Variants in TCP11L2 observed in about 807,000 individuals in gnomAD.
The protein encoded by TCP11L2 is t-complex 11 like 2, also known as T-complex protein 11-like protein 2.
In TCP11L2, 39 loss-of-function variants were observed where a neutral mutation model predicts 50.7. The ratio of observed to expected loss-of-function variants is 0.77; its 90% confidence interval spans 0.60 to 1.01. The LOEUF (loss-of-function observed/expected upper bound fraction) is 1.01. TCP11L2 is among the 50% of genes least tolerant of loss of function. The pLI is 0.00. For synonymous variants in TCP11L2, 192 were observed against 219.3 expected (o/e 0.88, Z 1.10); for missense variants, 612 against 614.7 (o/e 1.00, Z 0.05).
chr12:106,342,923 G>A (rs2036131153), intron 9 of TCP11L2, among the ~76,000 whole-genome samples: 1 of 152,194 alleles, frequency 6.6e-6, no homozygotes. Flanking sequence ...GAGGGAAGCT[G>A]AGGGCTAGGA....
chr12:106,343,920 G>A (rs2036161346), intron 9 of TCP11L2, among the ~76,000 whole-genome samples: 1 of 151,534 alleles, frequency 6.6e-6, no homozygotes, highest in Non-Finnish European at 1.5e-5. Flanking sequence ...GCCTCCCAAA[G>A]TGCTGGGATT....
At chr12:106,314,584 A>G (rs764706302) in intron 3 of TCP11L2, 91 bp downstream of exon 3, 4 of 421,018 alleles carry the variant, frequency 9.5e-6, no homozygotes, top group Non-Finnish European at 1.5e-5. Flanking sequence ...TGTGAGAGAG[A>G]GAGAGAGAGA....
chr12:106,311,335 C>T (rs1000507574), intron 2 of TCP11L2, 103 bp downstream of exon 2: 4 of 1,319,504 alleles, frequency 3.0e-6, no homozygotes, highest in East Asian at 2.4e-5. Context: ...ACTTCCCCTC[C>T]TTTCTAGATG....
chr12:106,326,430 A>C (rs1175268069), intron 6 of TCP11L2, among the ~76,000 whole-genome samples: 1 of 152,190 alleles, frequency 6.6e-6, no homozygotes, highest in African/African-American at 2.4e-5. Context: ...AGAGGGAGGA[A>C]GCAGACAGCT....
In TCP11L2 at chr12:106,321,606, G is replaced by C. The variant is rs1384155607; in HGVS notation, c.535G>C (p.Ala179Pro). 1 of 1,614,064 alleles carries C rather than the reference G, an allele frequency of 6.2e-7. No individual in the cohort carries two copies. Among genetic ancestry groups the C allele is most frequent in the African/African-American group, 1.3e-5 (1 of 74,904 alleles). The stretch of plus-strand genomic sequence containing the variant: ...CAGTGCTGTTGACATCCAAGGCCTG[G>C]CCAACTATGTCATCAGTACGATGGG... Reference protein sequence around the residue: ...EHSAVDIQGLANYVISTMGKL... With the variant: ...EHSAVDIQGLPNYVISTMGKL... Residue 179 changes from alanine to proline, a missense_variant, in exon 5 of 10, where the codon GCC becomes CCC. Physicochemically the swap from Ala to Pro is conservative, Grantham distance 27. Coordinates refer to ENST00000299045, the MANE Select transcript of TCP11L2 (RefSeq NM_152772.3).
At chr12:106,325,906 A>AC (rs1245513838) in intron 6 of TCP11L2, 3 of 151,446 alleles carry the variant, frequency 2.0e-5, no homozygotes, top group Non-Finnish European at 2.9e-5. Context: ...AAAAAAAAAA[A>AC]AAAAAAACCC....
intron 6 of TCP11L2, chr12:106,329,383 A>T (rs1209250478): frequency 6.5e-7 from 1 of 1,536,112 alleles, no homozygotes; most frequent in African/African-American, 1.4e-5. Flanking sequence ...TTGGAACCAG[A>T]GAGAGCAGTC....
intron 5 of TCP11L2, among the ~76,000 whole-genome samples, chr12:106,322,653 A>G (rs2035381282): frequency 6.6e-6 from 1 of 152,150 alleles, no homozygotes; most frequent in African/African-American, 2.4e-5. Flanking sequence ...TTTTTTGTGT[A>G]TGGTGGCCAC....
rs943624233 is a variant in TCP11L2 at position 106,335,428 on chromosome 12, G to C, written c.773-211G>C. Among the ~76,000 whole-genome samples, 136 of 152,210 alleles carry C rather than the reference G, an allele frequency of 8.9e-4. 1 individual carries two copies. The highest frequency in any genetic ancestry group is 1.6e-3 in the Non-Finnish European group (106 of 68,020). Reference sequence around the variant, plus strand: ...TTCCTCTTAGATTCTTTCCTGGACAGCCTCTTTCCCACAATTACTAGCATT... The same window carrying C: ...TTCCTCTTAGATTCTTTCCTGGACACCCTCTTTCCCACAATTACTAGCATT... On this transcript the variant is annotated intron_variant, in intron 6 of 9. Coordinates refer to ENST00000299045, the MANE Select transcript of TCP11L2 (RefSeq NM_152772.3).
chr12:106,316,641 G>A (rs1028806955), intron 3 of TCP11L2, among the ~76,000 whole-genome samples: 18 of 152,060 alleles, frequency 1.2e-4, no homozygotes, highest in Non-Finnish European at 2.5e-4. Context: ...CTCTGTAACT[G>A]TGTACCACAT....
At chr12:106,320,058 A>C (rs1023588994) in intron 4 of TCP11L2, among the ~76,000 whole-genome samples, 1 of 152,244 alleles carries the variant, frequency 6.6e-6, no homozygotes, top group Non-Finnish European at 1.5e-5. Context: ...AGATCCTCGC[A>C]TCATATTGAT....
chr12:106,321,588 G>A lies in TCP11L2; in HGVS notation c.517G>A (p.Val173Ile). Residue 173 changes from valine (V) to isoleucine (I), a missense_variant, in exon 5 of 10, where the codon GTT becomes ATT. By Grantham distance (29) the Val-to-Ile change is conservative. Coordinates refer to ENST00000299045, the MANE Select transcript of TCP11L2 (RefSeq NM_152772.3). ...TAGGCAGCAGGCTGAGCACAGTGCT[G>A]TTGACATCCAAGGCCTGGCCAACTA... The part of the protein sequence containing the change: ...LIRQQAEHSA[V>I]DIQGLANYVI... 2 of 1,614,212 alleles carry A rather than the reference G, an allele frequency of 1.2e-6. No homozygotes were observed. Among genetic ancestry groups the A allele is most frequent in the South Asian group, 1.1e-5 (1 of 91,086 alleles).
intron 6 of TCP11L2, among the ~76,000 whole-genome samples, chr12:106,333,637 G>A (rs979441002): frequency 6.6e-6 from 1 of 151,960 alleles, no homozygotes; most frequent in Admixed American, 6.6e-5. Context: ...TATTATGTCT[G>A]TAAATATAAA....
chr12:106,329,998 C>T, intron 6 of TCP11L2: 3 of 985,214 alleles, frequency 3.0e-6, no homozygotes, highest in Non-Finnish European at 3.6e-6. Flanking sequence ...GAATTTCAGT[C>T]TCTCTCTACT....
At chr12:106,322,370 C>T (rs1331680484) in intron 5 of TCP11L2, among the ~76,000 whole-genome samples, 1 of 152,168 alleles carries the variant, frequency 6.6e-6, no homozygotes, top group Admixed American at 6.5e-5. Flanking sequence ...TCTCTTTGAC[C>T]ATGACTAGTC....
chr12:106,340,764 T>TA, intron 8 of TCP11L2, 62 bp from the exon 9 acceptor site: 3 of 1,420,706 alleles, frequency 2.1e-6, no homozygotes, highest in Non-Finnish European at 1.9e-6. Context: ...GTCTGTATAT[T>TA]AAAAATAATA....
At chr12:106,341,759 C>CAGT (rs1480401062) in intron 9 of TCP11L2, among the ~76,000 whole-genome samples, 1 of 152,190 alleles carries the variant, frequency 6.6e-6, no homozygotes, top group Non-Finnish European at 1.5e-5. Flanking sequence ...CTCCAGCCTA[C>CAGT]AACCTTCCAT....
chr12:106,329,619 TC>T, intron 6 of TCP11L2: 1 of 1,320,440 alleles, frequency 7.6e-7, no homozygotes, highest in African/African-American at 1.5e-5. Flanking sequence ...TTTTTAAAGC[TC>T]CCCAGGTGAT....
chr12:106,310,464 G>A (rs933975123), intron 1 of TCP11L2, among the ~76,000 whole-genome samples: 4 of 152,192 alleles, frequency 2.6e-5, no homozygotes, highest in South Asian at 2.1e-4. Flanking sequence ...CACAGAAAGC[G>A]TAAAGAGGCT....
Sources: gnomAD v4.1 joint callset for allele counts (sites outside exome capture counted in the v4.1 genomes callset) on GRCh38, gnomAD v4.1.1 for gene constraint, MANE v1.5 for transcripts, NCBI Gene and HGNC (gene_info 2026-07-23, HGNC 2026-07-21) for gene names.